Variants in XXYLT1 observed in about 807,000 individuals in gnomAD.
XXYLT1 encodes the protein xyloside xylosyltransferase 1.
XXYLT1 carries 20 observed loss-of-function variants against 28.9 expected under a neutral mutation model. The ratio of observed to expected loss-of-function variants is 0.69; its 90% CI spans 0.49 to 1.00. The LOEUF is 1.00. Ranked by LOEUF, XXYLT1 falls within the 50% of genes least tolerant of loss-of-function variation. XXYLT1 has a pLI of 0.00. For missense variants in XXYLT1, 542 were observed against 560.1 expected (o/e 0.97, Z 0.33); for synonymous variants, 257 against 253.8 (o/e 1.01, Z -0.12).
intron 2 of XXYLT1, among the ~76,000 whole-genome samples, chr3:195,212,215 C>G (rs543496822): frequency 6.6e-6 from 1 of 152,064 alleles, no homozygotes; most frequent in Non-Finnish European, 1.5e-5. Context: ...GAGCAGGAAG[C>G]GGGGGTGGCC....
chr3:195,075,036 G>A (rs1715036097), intron 3 of XXYLT1, among the ~76,000 whole-genome samples: 1 of 152,188 alleles, frequency 6.6e-6, no homozygotes, highest in African/African-American at 2.4e-5. Context: ...CGGATCACCT[G>A]AGGTCAGGAG....
At chr3:195,189,273 C>T (rs2108749518) in intron 2 of XXYLT1, among the ~76,000 whole-genome samples, 1 of 152,218 alleles carries the variant, frequency 6.6e-6, no homozygotes, top group South Asian at 2.1e-4. Flanking sequence ...AAGTACTAAG[C>T]AAAGCCATCA....
intron 1 of XXYLT1, among the ~76,000 whole-genome samples, chr3:195,261,705 T>A (rs770222134): frequency 3.3e-5 from 5 of 152,130 alleles, no homozygotes; most frequent in Non-Finnish European, 7.3e-5. Flanking sequence ...AGAAAATGCA[T>A]TTCGGTAAAT....
intron 1 of XXYLT1, among the ~76,000 whole-genome samples, chr3:195,227,935 G>A (rs12488616): frequency 0.031 from 4,703 of 152,302 alleles, 142 homozygotes; most frequent in East Asian, 0.1. Context: ...AGCTTCACAT[G>A]TGATACCAGA....
At chr3:195,099,138 T>C (rs1275011359) in intron 3 of XXYLT1, among the ~76,000 whole-genome samples, 5 of 152,212 alleles carry the variant, frequency 3.3e-5, no homozygotes, top group Non-Finnish European at 5.9e-5. Context: ...GACACCGCGT[T>C]CTCAAACAAC....
In XXYLT1 at chr3:195,209,012, T is replaced by C. The variant is rs527963944; in HGVS notation, c.652+17697A>G. Among the ~76,000 whole-genome samples the C allele has an allele frequency of 6.6e-6, 1 of 152,312 alleles. No individual in the cohort carries two copies. Among genetic ancestry groups the C allele is most frequent in the South Asian group, 2.1e-4 (1 of 4,824 alleles). On this transcript the variant is annotated intron_variant, in intron 2 of 3. Transcript: ENST00000310380. This position sits in a 1 kb window ranked among gnomAD's most constrained non-coding sequence, Gnocchi z 5.0. ...ACAAACCTTATTATGTGATCAATGA[T>C]GCTTTAAAAGAAAAAATACTGTACC...
At chr3:195,212,889 T>C (rs1312071878) in intron 2 of XXYLT1, among the ~76,000 whole-genome samples, 2 of 152,218 alleles carry the variant, frequency 1.3e-5, no homozygotes, top group Non-Finnish European at 2.9e-5. Context: ...TGGGTTGAGA[T>C]CCTCTGAAGC....
Position 195,133,250 on chromosome 3 carries a change from G to C in XXYLT1, c.785+23199C>G, listed in dbSNP as rs746263510. 1.4e-4 allele frequency among the ~76,000 whole-genome samples: 21 copies of C among 152,222 alleles called. No homozygotes were observed. The East Asian group carries it at 4.0e-3, about 29-fold the overall frequency. ...AGATGGCTGCAAGTCCCAACGCTCT[G>C]ATAAAAAAAGGAAAATTAATTTTTC... On this transcript the variant is annotated intron_variant, in intron 3 of 3. Coordinates refer to ENST00000310380, the MANE Select transcript of XXYLT1 (RefSeq NM_152531.5). This position sits in a 1 kb window ranked among gnomAD's most constrained non-coding sequence, Gnocchi z 4.4.
At chr3:195,086,668 C>G (rs956544604) in intron 3 of XXYLT1, among the ~76,000 whole-genome samples, 1 of 151,986 alleles carries the variant, frequency 6.6e-6, no homozygotes, top group Non-Finnish European at 1.5e-5. Flanking sequence ...TGGGTGGGCA[C>G]TGGCATGGAG....
intron 1 of XXYLT1, 173 bp downstream of exon 1, chr3:195,270,382 C>T: frequency 4.1e-6 from 4 of 967,814 alleles, no homozygotes; most frequent in Non-Finnish European, 4.9e-6. Context: ...GTCTGGCTCC[C>T]GGACACGCCC....
intron 3 of XXYLT1, among the ~76,000 whole-genome samples, chr3:195,126,223 CCG>C (rs1340690585): frequency 1.3e-5 from 2 of 152,204 alleles, no homozygotes; most frequent in Non-Finnish European, 2.9e-5. Flanking sequence ...CAGGATAAGG[CCG>C]TGAATGAAAG....
intron 3 of XXYLT1, among the ~76,000 whole-genome samples, chr3:195,127,691 C>A (rs1188008472): frequency 1.3e-5 from 2 of 151,914 alleles, no homozygotes; most frequent in African/African-American, 4.8e-5. Flanking sequence ...GCAGGAGGAT[C>A]ACTTGAGCCC....
intron 1 of XXYLT1, among the ~76,000 whole-genome samples, chr3:195,265,346 G>C (rs149633045): frequency 6.7e-6 from 1 of 149,342 alleles, no homozygotes; most frequent in African/African-American, 2.5e-5. Context: ...CAGCCTGGGT[G>C]ACAGAACGAG....
chr3:195,097,774 G>A (rs146671120), intron 3 of XXYLT1, among the ~76,000 whole-genome samples: 148 of 152,238 alleles, frequency 9.7e-4, no homozygotes, highest in Middle Eastern at 3.4e-3. Flanking sequence ...CTGATTCTCC[G>A]GGGGAGTGTG....
intron 3 of XXYLT1, among the ~76,000 whole-genome samples, chr3:195,104,192 G>T (rs1716961249): frequency 1.4e-5 from 2 of 145,696 alleles, no homozygotes; most frequent in Non-Finnish European, 3.0e-5. Context: ...ACGGTGATGA[G>T]GGCTCCGTGT....
At chr3:195,114,192 C>T (rs1015727217) in intron 3 of XXYLT1, among the ~76,000 whole-genome samples, 5 of 152,222 alleles carry the variant, frequency 3.3e-5, no homozygotes, top group Admixed American at 1.3e-4. Context: ...AACAACTGTG[C>T]CCCAGTCCAC....
At chr3:195,110,533 G>A (rs1427146306) in intron 3 of XXYLT1, among the ~76,000 whole-genome samples, 2 of 63,242 alleles carry the variant, frequency 3.2e-5, no homozygotes, top group Non-Finnish European at 6.5e-5. Context: ...TGGTGTACGT[G>A]TGCGTGTGTG....
intron 3 of XXYLT1, among the ~76,000 whole-genome samples, chr3:195,081,587 C>T (rs1191511124): frequency 1.3e-5 from 2 of 151,808 alleles, no homozygotes; most frequent in Non-Finnish European, 2.9e-5. Flanking sequence ...AGTCCCAGTC[C>T]GGAGCTTAAA....
In XXYLT1 at chr3:195,205,876, A is replaced by C. The variant is rs181526696; in HGVS notation, c.652+20833T>G. Among the ~76,000 whole-genome samples the C allele has an allele frequency of 2.8e-3, 404 of 146,160 alleles. 18 individuals are homozygous for C. The East Asian group carries it at 0.068, about 25-fold the overall frequency. ...AGGCTCTGTCTCAAAACTAACAGAC[A>C]ACAACAACAAAAACAATATCCTGGT... On this transcript the variant is annotated intron_variant, in intron 2 of 3. Coordinates refer to ENST00000310380, the MANE Select transcript of XXYLT1 (RefSeq NM_152531.5).
Sources: allele counts gnomAD v4.1 joint callset (sites outside exome capture counted in the v4.1 genomes callset), GRCh38; gene constraint gnomAD v4.1.1; non-coding constraint Gnocchi (gnomAD v3.1); transcripts MANE v1.5; gene names NCBI Gene and HGNC (gene_info 2026-07-23, HGNC 2026-07-21).